The following ADCY8 variants were observed in gnomAD, a reference collection of about 807,000 sequenced individuals.
ADCY8 encodes adenylate cyclase 8.
Under a neutral mutation model 119.7 loss-of-function variants are expected in ADCY8, and 51 were observed. The ratio of observed to expected loss-of-function variants is 0.43; its 90% CI spans 0.34 to 0.54. ADCY8 has a LOEUF of 0.54. ADCY8 is among the 20% of genes least tolerant of loss of function. The probability of loss-of-function intolerance (pLI) is 0.03; values close to 1 mark genes in which losing one functional copy is unlikely to be tolerated. For synonymous variants in ADCY8, 665 were observed against 651.0 expected, an observed-to-expected ratio of 1.02 and a Z score of -0.33; for missense variants, 1,383 against 1,598.8, an observed-to-expected ratio of 0.87 and a Z score of 2.30.
At chr8:130,822,173 T>G (rs368212792) in intron 12 of ADCY8, among the ~76,000 whole-genome samples, 13 of 152,268 alleles carry the variant, frequency 8.5e-5, no homozygotes, top group African/African-American at 3.1e-4. Context: ...GATACATCCT[T>G]GTTGCCATAG....
At chr8:130,887,284 C>T (rs1158228629) in intron 7 of ADCY8, among the ~76,000 whole-genome samples, 1 of 152,118 alleles carries the variant, frequency 6.6e-6, no homozygotes, top group Non-Finnish European at 1.5e-5. Context: ...TCGAAACTCC[C>T]CTGCTCCTCT....
chr8:130,935,593 C>T (rs1820759210), intron 5 of ADCY8: 1 of 152,232 alleles, frequency 6.6e-6, no homozygotes, highest in Non-Finnish European at 1.5e-5. Context: ...ACTGCACACC[C>T]TACTCAACTG....
chr8:130,806,739 A>C (rs1029515983), intron 14 of ADCY8, among the ~76,000 whole-genome samples: 3 of 152,160 alleles, frequency 2.0e-5, no homozygotes, highest in Admixed American at 6.5e-5. Context: ...ACTTCCCCTC[A>C]TCTCTTACCC....
chr8:130,877,380 C>G lies in ADCY8; in HGVS notation c.2109+7184G>C, dbSNP rs148492880. Among the ~76,000 whole-genome samples, 34 of 152,264 alleles carry G rather than the reference C, an allele frequency of 2.2e-4. No homozygotes were observed. The East Asian group carries it at 6.6e-3, about 29-fold the overall frequency. ...AGATGCCCAATGGAGTGGACACAAACAGAATCCAAACCAAGCATACTGAAT... is the reference window on the plus strand; with the variant it reads ...AGATGCCCAATGGAGTGGACACAAAGAGAATCCAAACCAAGCATACTGAAT... On this transcript the variant is annotated intron_variant, in intron 8 of 17. Transcript: ENST00000286355.
intron 1 of ADCY8, among the ~76,000 whole-genome samples, chr8:131,031,916 T>G (rs1160177614): frequency 2.0e-5 from 3 of 152,188 alleles, no homozygotes. Flanking sequence ...ACTTTGATAA[T>G]GCATTCTCTA....
At position 131,040,281 on chromosome 8, in the gene ADCY8, A is replaced by C; in HGVS notation, c.53T>G (p.Ile18Ser). 1.3e-6 allele frequency: 2 copies of C among 1,569,792 alleles called. No individual in the cohort carries two copies. Among genetic ancestry groups the C allele is most frequent in the Non-Finnish European group, 1.7e-6 (2 of 1,164,338 alleles). The change falls in exon 1 of 18, where the codon ATC becomes AGC. Residue 18 changes from isoleucine (I) to serine (S), a missense_variant. This residue lies in a region of ADCY8 where 455 missense variants were observed against 435.3 expected (regional missense o/e 1.05). Coordinates refer to ENST00000286355, the MANE Select transcript of ADCY8 (RefSeq NM_001115.3). ...CLTGSEELYT[I>S]HPTPPAGDGR... ...GTCGCCGGCCGGGGGCGTCGGGTGG[A>C]TGGTGTAGAGTTCCTCGCTGCCTGT...
At chr8:131,004,875 C>T (rs1823066662) in intron 1 of ADCY8, among the ~76,000 whole-genome samples, 1 of 152,160 alleles carries the variant, frequency 6.6e-6, no homozygotes, top group African/African-American at 2.4e-5. Flanking sequence ...CACTTCTTCC[C>T]CCCTCAACTG....
chr8:130,851,449 G>A (rs1817524840), intron 9 of ADCY8, among the ~76,000 whole-genome samples: 1 of 152,174 alleles, frequency 6.6e-6, no homozygotes, highest in African/African-American at 2.4e-5. Context: ...AGAAGAATGG[G>A]AGTGACCAGT....
intron 15 of ADCY8, among the ~76,000 whole-genome samples, 193 bp downstream of exon 15, chr8:130,800,233 T>C (rs950322946): frequency 6.6e-6 from 1 of 151,338 alleles, no homozygotes; most frequent in Non-Finnish European, 1.5e-5. Context: ...ATCCCCCAAA[T>C]AGGGAAATAA....
intron 4 of ADCY8, among the ~76,000 whole-genome samples, chr8:130,940,128 G>A (rs1002862912): frequency 2.6e-5 from 4 of 152,186 alleles, no homozygotes; most frequent in African/African-American, 9.7e-5. Flanking sequence ...CAGTCTTCAG[G>A]ACCACTTTCT....
At chr8:130,816,254 C>T (rs1362342094) in intron 13 of ADCY8, among the ~76,000 whole-genome samples, 1 of 152,012 alleles carries the variant, frequency 6.6e-6, no homozygotes, top group Non-Finnish European at 1.5e-5. Context: ...ACAGAAATAT[C>T]ATTGAACATG....
At chr8:130,895,162 A>G (rs1586544222) in intron 7 of ADCY8, among the ~76,000 whole-genome samples, 1 of 152,198 alleles carries the variant, frequency 6.6e-6, no homozygotes, top group Admixed American at 6.5e-5. Context: ...TCTCATATTT[A>G]AAATATCATA....
chr8:131,004,597 C>T (rs1036951844), intron 1 of ADCY8, among the ~76,000 whole-genome samples: 11 of 152,166 alleles, frequency 7.2e-5, no homozygotes, highest in African/African-American at 2.2e-4. Context: ...GCACAGTGCT[C>T]GCATTTATTC....
chr8:130,821,570 C>T (rs1190483917), intron 12 of ADCY8, 150 bp from the exon 13 acceptor site: 7 of 606,408 alleles, frequency 1.2e-5, no homozygotes, highest in South Asian at 1.0e-4. Context: ...TAAGGGTTTG[C>T]ACATTGGCTA....
At chr8:131,023,446 A>G (rs1586664436) in intron 1 of ADCY8, among the ~76,000 whole-genome samples, 1 of 152,174 alleles carries the variant, frequency 6.6e-6, no homozygotes, top group East Asian at 1.9e-4. Context: ...GTGCCTTGGT[A>G]GGTCACAGAG....
At chr8:130,916,294 C>G (rs567910417) in intron 5 of ADCY8, among the ~76,000 whole-genome samples, 22 of 152,182 alleles carry the variant, frequency 1.4e-4, no homozygotes, top group Non-Finnish European at 3.1e-4. Context: ...AGATTAATCT[C>G]CAAAGCCTCC....
At chr8:130,856,679 A>G (rs1348680079) in intron 9 of ADCY8, among the ~76,000 whole-genome samples, 1 of 152,218 alleles carries the variant, frequency 6.6e-6, no homozygotes, top group African/African-American at 2.4e-5. Flanking sequence ...TAGCATATAC[A>G]TATCTACATA....
chr8:130,896,484 T>G (rs1819393200), intron 7 of ADCY8, among the ~76,000 whole-genome samples: 1 of 152,014 alleles, frequency 6.6e-6, no homozygotes, highest in Non-Finnish European at 1.5e-5. Context: ...AATCCACCCT[T>G]TAGGGGCAGA....
At chr8:130,960,540 A>G (rs1361669527) in intron 2 of ADCY8, among the ~76,000 whole-genome samples, 1 of 152,158 alleles carries the variant, frequency 6.6e-6, no homozygotes, top group African/African-American at 2.4e-5. Flanking sequence ...ACAGAGCAAG[A>G]GGGTTTCTGC....
Sources: gnomAD v4.1 joint callset for allele counts (sites outside exome capture counted in the v4.1 genomes callset) on GRCh38, gnomAD v4.1.1 for gene constraint, gnomAD v4.1.1 regional missense constraint, MANE v1.5 for transcripts, NCBI Gene and HGNC (gene_info 2026-07-23, HGNC 2026-07-21) for gene names.